The following PGM2L1 variants were observed in gnomAD, a reference collection of about 807,000 sequenced individuals.
PGM2L1 encodes the protein phosphoglucomutase 2 like 1, also known as glucose 1,6-bisphosphate synthase.
PGM2L1 carries 35 observed loss-of-function variants against 73.4 expected under a neutral mutation model. The observed-to-expected ratio is 0.48, with a 90% CI of 0.36 to 0.63. The LOEUF (loss-of-function observed/expected upper bound fraction) is 0.63, where lower values mean the gene tolerates loss of function less well. Ranked by LOEUF, PGM2L1 falls within the 30% of genes least tolerant of loss-of-function variation. The pLI is 0.00. For synonymous variants in PGM2L1, 225 were observed against 253.8 expected (o/e 0.89, Z 1.08); for missense variants, 570 against 742.0 (o/e 0.77, Z 2.69).
rs1484396844 is a variant in PGM2L1 at position 74,370,926 on chromosome 11, T to C, written c.447A>G (p.Ser149=). The C allele has an allele frequency of 1.2e-6, 2 of 1,612,802 alleles. No individual in the cohort carries two copies. The highest frequency in any genetic ancestry group is 1.7e-6 in the Non-Finnish European group (2 of 1,179,144). ...LAKDVPVYLF[S]RYVPTPFVPY... is the part of the protein sequence containing the mutation. ...CTACAAAAGGTGTAGGAACATATCT[T>C]GAAAAAAGGTACACAGGAACATCTT... Residue 149 remains serine (S), a synonymous_variant, in exon 4 of 14, where the codon TCA becomes TCG. Coordinates refer to ENST00000298198, the MANE Select transcript of PGM2L1 (RefSeq NM_173582.6).
rs1299042004 is a variant in PGM2L1 at position 74,330,950 on chromosome 11, T to C, written c.*5702A>G. The C allele has an allele frequency of 6.6e-6, 1 of 152,182 alleles. No homozygotes were observed. The highest frequency in any genetic ancestry group is 2.4e-5 in the African/African-American group (1 of 41,442). The allele number at this position is 152,182 out of a possible 1,614,324, so 9.4% of individuals were successfully genotyped here. On this transcript the variant is annotated 3_prime_UTR_variant, in exon 14 of 14. Transcript: ENST00000298198. ...CATTATAAAGTTCAGTGATGGGACT[T>C]CATTGAAAAAACTGAATTAGAAAAT... is the stretch of plus-strand genomic sequence containing the variant.
Position 74,368,539 on chromosome 11 carries a change from C to T in PGM2L1, c.508G>A (p.Val170Met), listed in dbSNP as rs1406874169. 2.5e-6 allele frequency: 4 copies of T among 1,613,826 alleles called. No individual in the cohort carries two copies. Among genetic ancestry groups the T allele is most frequent in the East Asian group, 4.5e-5 (2 of 44,866 alleles). The change falls in exon 5 of 14, where the codon GTG (valine) becomes ATG (methionine). Residue 170 changes from valine to methionine, a missense_variant. Coordinates refer to ENST00000298198, the MANE Select transcript of PGM2L1 (RefSeq NM_173582.6). Reference protein sequence around the residue: ...AVQKLKAVAGVMITASHNRKE... With the variant: ...AVQKLKAVAGMMITASHNRKE... ...CGGTTGTGAGAGGCAGTAATCATCA[C>T]ACCTGCAACTGCTTTGAGCTTCTGA... is the stretch of plus-strand genomic sequence containing the variant.
Position 74,374,600 on chromosome 11 carries a change from T to C in PGM2L1, c.112-18A>G, listed in dbSNP as rs772479626. 34 of 1,607,664 alleles carry C rather than the reference T, an allele frequency of 2.1e-5. No individual in the cohort carries two copies. Among genetic ancestry groups the C allele is most frequent in the Non-Finnish European group, 2.8e-5 (33 of 1,175,394 alleles). ...TTGGGATTCTATAAAAAAGAAGTAT[T>C]AAAACTTAACCAGGAATCCAAGCAG... On this transcript the variant is annotated intron_variant, in intron 1 of 13. Coordinates refer to ENST00000298198, the MANE Select transcript of PGM2L1 (RefSeq NM_173582.6).
At chr11:74,348,329 A>G (rs1302983396) in intron 6 of PGM2L1, among the ~76,000 whole-genome samples, 1 of 152,210 alleles carries the variant, frequency 6.6e-6, no homozygotes, top group African/African-American at 2.4e-5. Context: ...TTATTATAAG[A>G]TAAATAATAA....
chr11:74,396,020 G>C (rs986991578), intron 1 of PGM2L1, among the ~76,000 whole-genome samples: 1 of 152,074 alleles, frequency 6.6e-6, no homozygotes, highest in Non-Finnish European at 1.5e-5. Context: ...GGGAGGCTGA[G>C]GTGGGAGAAT....
At chr11:74,359,410 G>A (rs1328035145) in intron 5 of PGM2L1, among the ~76,000 whole-genome samples, 1 of 151,534 alleles carries the variant, frequency 6.6e-6, no homozygotes, top group Non-Finnish European at 1.5e-5. Context: ...AAAATACAAT[G>A]TCACAAATAC....
intron 5 of PGM2L1, among the ~76,000 whole-genome samples, chr11:74,359,943 A>G (rs1357903286): frequency 6.6e-6 from 1 of 152,204 alleles, no homozygotes; most frequent in Non-Finnish European, 1.5e-5. Flanking sequence ...AATGAATATC[A>G]AGGCAGACTA....
intron 11 of PGM2L1, 55 bp downstream of exon 11, chr11:74,342,828 AGG>A: frequency 6.7e-7 from 1 of 1,485,958 alleles, no homozygotes; most frequent in East Asian, 2.3e-5. Context: ...TAGAAAACTA[AGG>A]GTAGGACAAT....
chr11:74,362,545 A>C (rs1176324507), intron 5 of PGM2L1, among the ~76,000 whole-genome samples: 1 of 152,230 alleles, frequency 6.6e-6, no homozygotes, highest in African/African-American at 2.4e-5. Flanking sequence ...ACATAACAAT[A>C]TTAACCTTAA....
At chr11:74,392,756 G>C (rs963948768) in intron 1 of PGM2L1, among the ~76,000 whole-genome samples, 1 of 152,152 alleles carries the variant, frequency 6.6e-6, no homozygotes, top group Non-Finnish European at 1.5e-5. Context: ...TAGCCAGGAT[G>C]GTCTCGATCT....
Position 74,345,593 on chromosome 11 carries a change from A to T in PGM2L1, c.1094T>A (p.Met365Lys). The change falls in exon 9 of 14, where the codon ATG becomes AAG. Residue 365 changes from methionine to lysine, a missense_variant. By Grantham distance (95) the Met-to-Lys change is moderately conservative. Coordinates refer to ENST00000298198, the MANE Select transcript of PGM2L1 (RefSeq NM_173582.6). ...NELAALFGWW[M>K]FDCWKKNKSR... ...TTTATTTTTCTTCCAGCAATCAAACATCCACCATCCAAACAAAGCTGCCAA... is the reference window on the plus strand; with the variant it reads ...TTTATTTTTCTTCCAGCAATCAAACTTCCACCATCCAAACAAAGCTGCCAA... The T allele has an allele frequency of 6.2e-7, 1 of 1,613,882 alleles. No homozygotes were observed. The highest frequency in any genetic ancestry group is 8.5e-7 in the Non-Finnish European group (1 of 1,179,896).
chr11:74,389,588 C>T (rs1863062083), intron 1 of PGM2L1, among the ~76,000 whole-genome samples: 1 of 151,482 alleles, frequency 6.6e-6, no homozygotes, highest in Non-Finnish European at 1.5e-5. Flanking sequence ...GCTGGGATTA[C>T]AGGCAAGTGC....
At chr11:74,390,078 C>T (rs1168908425) in intron 1 of PGM2L1, among the ~76,000 whole-genome samples, 2 of 148,098 alleles carry the variant, frequency 1.4e-5, no homozygotes, top group Admixed American at 1.3e-4. Context: ...GAGATTGCGC[C>T]ACTGCACTCC....
chr11:74,352,390 T>C (rs1862372070), intron 5 of PGM2L1, among the ~76,000 whole-genome samples: 1 of 152,212 alleles, frequency 6.6e-6, no homozygotes, highest in Admixed American at 6.5e-5. Flanking sequence ...TTATTAACAA[T>C]TAATGTGTTA....
intron 1 of PGM2L1, among the ~76,000 whole-genome samples, chr11:74,392,637 A>G (rs1863119631): frequency 6.6e-6 from 1 of 151,480 alleles, no homozygotes; most frequent in Admixed American, 6.6e-5. Flanking sequence ...CGCCTCCCGG[A>G]TTCACGCCAT....
chr11:74,373,171 T>C (rs557339614), intron 2 of PGM2L1, among the ~76,000 whole-genome samples: 5 of 152,158 alleles, frequency 3.3e-5, no homozygotes, highest in East Asian at 1.9e-4. Flanking sequence ...TCTGTAGAAA[T>C]TGCTTTTCAA....
chr11:74,345,541 A>G lies in PGM2L1; in HGVS notation c.1146T>C (p.Val382=). 6.2e-7 allele frequency: 1 copy of G among 1,613,536 alleles called. No homozygotes were observed. Among genetic ancestry groups the G allele is most frequent in the Non-Finnish European group, 8.5e-7 (1 of 1,179,568 alleles). ...NKSRNADVKN[V]YMLATTVSSK... ...AAGAGACTGTGGTGGCTAACATATA[A>G]ACGTTCTTCACATCAGCATTTCTTG... Residue 382 remains valine, a synonymous_variant, in exon 9 of 14, where the codon GTT becomes GTC. Transcript: ENST00000298198.
rs762135980 is a variant in PGM2L1 at position 74,345,447 on chromosome 11, C to T, written c.1218+22G>A. 39 of 1,578,736 alleles carry T rather than the reference C, an allele frequency of 2.5e-5. 1 individual carries two copies. In the South Asian group the frequency reaches 3.9e-4, roughly 16 times the overall value. On this transcript the variant is annotated intron_variant, in intron 9 of 13. Transcript: ENST00000298198. ...CAGAAATAGGTTTTAAAAAGTAGCA[C>T]ACAGATATTATTGATTCTTACTTCA...
At position 74,339,549 on chromosome 11, in the gene PGM2L1, A is replaced by T. The variant is rs185194106; in HGVS notation, c.1633-948T>A. ...AGAGATCTTCCCTTCTTTTTCACCC[A>T]CAGCCCATAAAGTAGCAAGTCCTTT... On this transcript the variant is annotated intron_variant, in intron 12 of 13. Coordinates refer to ENST00000298198, the MANE Select transcript of PGM2L1 (RefSeq NM_173582.6). Among the ~76,000 whole-genome samples the T allele has an allele frequency of 9.2e-5, 14 of 152,288 alleles. No homozygotes were observed. The East Asian group carries it at 1.9e-3, about 21-fold the overall frequency.
Sources: allele counts gnomAD v4.1 joint callset (sites outside exome capture counted in the v4.1 genomes callset), GRCh38; gene constraint gnomAD v4.1.1; transcripts MANE v1.5; gene names NCBI Gene and HGNC (gene_info 2026-07-23, HGNC 2026-07-21).